ABCC9: variants seen among roughly 807,000 people sequenced by gnomAD.
ABCC9 encodes ATP binding cassette subfamily C member 9.
In ABCC9, 95 loss-of-function variants were observed where a neutral mutation model predicts 188.3. That is an observed-to-expected ratio of 0.50 (90% CI 0.43 to 0.60). The LOEUF (loss-of-function observed/expected upper bound fraction) is 0.60. Among genes scored for constraint, ABCC9 ranks in the 20% least tolerant of loss-of-function variants. The pLI is 0.00. For missense variants in ABCC9, 1,102 were observed against 1,876.3 expected (o/e 0.59, Z 7.62); for synonymous variants, 659 against 652.7 (o/e 1.01, Z -0.15).
At chr12:21,827,816 T>G (rs1384328016) in intron 31 of ABCC9, among the ~76,000 whole-genome samples, 1 of 152,218 alleles carries the variant, frequency 6.6e-6, no homozygotes, top group Non-Finnish European at 1.5e-5. Flanking sequence ...GCTGTGCTGT[T>G]GAATAATTTC....
At chr12:21,935,567 A>G (rs2138071394) in intron 3 of ABCC9, among the ~76,000 whole-genome samples, 1 of 152,290 alleles carries the variant, frequency 6.6e-6, no homozygotes. Flanking sequence ...AAGAAAATGC[A>G]TCTGAAAACT....
chr12:21,811,238 G>A (rs749226767), intron 36 of ABCC9, among the ~76,000 whole-genome samples: 8 of 152,110 alleles, frequency 5.3e-5, no homozygotes, highest in Admixed American at 1.3e-4. Context: ...TTTGCCTTCC[G>A]CCATGATTGT....
intron 4 of ABCC9, among the ~76,000 whole-genome samples, chr12:21,928,009 C>T (rs1347860039): frequency 6.6e-6 from 1 of 151,906 alleles, no homozygotes; most frequent in African/African-American, 2.4e-5. Context: ...CACTCGAGGC[C>T]GGGAGTTTGA....
intron 18 of ABCC9, among the ~76,000 whole-genome samples, chr12:21,865,327 C>T (rs1945726290): frequency 6.6e-6 from 1 of 152,102 alleles, no homozygotes; most frequent in Non-Finnish European, 1.5e-5. Flanking sequence ...GGATCATTTT[C>T]ACTACTGCAC....
Position 21,845,348 on chromosome 12 carries a change from ACT to A in ABCC9, c.3096+253_3096+254del, listed in dbSNP as rs146086828. Among the ~76,000 whole-genome samples the A allele has an allele frequency of 0.045, 6,811 of 152,070 alleles. 218 individuals carry two copies. Among genetic ancestry groups the A allele is most frequent in the Middle Eastern group, 0.075 (22 of 294 alleles). Reference sequence around the variant, plus strand: ...AACATATATAAAAATATATGTATAAACTCTCTTGAATACAAGTCTAAACATTA... The same window carrying A: ...AACATATATAAAAATATATGTATAAACTCTTGAATACAAGTCTAAACATTA... On this transcript the variant is annotated intron_variant, in intron 26 of 39. Transcript: ENST00000261200.
intron 12 of ABCC9, among the ~76,000 whole-genome samples, chr12:21,896,438 C>T (rs1180866964): frequency 1.3e-5 from 2 of 152,040 alleles, no homozygotes; most frequent in African/African-American, 2.4e-5. Flanking sequence ...ACCATTGTCA[C>T]CCTATTATAT....
intron 14 of ABCC9, 69 bp downstream of exon 14, chr12:21,893,963 A>G: frequency 1.3e-6 from 2 of 1,500,408 alleles, no homozygotes; most frequent in South Asian, 1.2e-5. Context: ...TATTTTTTCA[A>G]ATACTCCTAT....
intron 15 of ABCC9, among the ~76,000 whole-genome samples, chr12:21,885,806 C>A (rs947670601): frequency 6.6e-6 from 1 of 152,112 alleles, no homozygotes; most frequent in African/African-American, 2.4e-5. Context: ...AAAACAAACA[C>A]CTCCAGAACA....
chr12:21,908,755 A>C (rs1372227740), intron 10 of ABCC9, among the ~76,000 whole-genome samples: 2 of 151,972 alleles, frequency 1.3e-5, no homozygotes, highest in Admixed American at 1.3e-4. Context: ...ACTTACTGAC[A>C]AGAAGGCTGA....
chr12:21,836,068 C>T (rs1022838485), intron 30 of ABCC9, among the ~76,000 whole-genome samples: 8 of 152,152 alleles, frequency 5.3e-5, no homozygotes, highest in African/African-American at 1.9e-4. Flanking sequence ...CCTAAATATT[C>T]CTTAAATCTG....
At chr12:21,937,365 A>C (rs750465684) in intron 2 of ABCC9, among the ~76,000 whole-genome samples, 13 of 152,204 alleles carry the variant, frequency 8.5e-5, no homozygotes, top group Non-Finnish European at 1.8e-4. Flanking sequence ...TTTGAAACGC[A>C]GGATGTCTTT....
chr12:21,811,886 T>C (rs571070832), intron 36 of ABCC9, among the ~76,000 whole-genome samples, 163 bp downstream of exon 36: 1 of 152,320 alleles, frequency 6.6e-6, no homozygotes, highest in Admixed American at 6.5e-5. Context: ...TAGGTTAATT[T>C]ACAACTCTAG....
At chr12:21,862,906 A>G in intron 20 of ABCC9, 47 bp downstream of exon 20, 1 of 1,224,538 alleles carries the variant, frequency 8.2e-7, no homozygotes, top group Non-Finnish European at 1.2e-6. Context: ...CACACGAGTC[A>G]GAAAGAGTTG....
At chr12:21,914,665 TAGTTATACATGATC>T (rs1171598052) in intron 7 of ABCC9, among the ~76,000 whole-genome samples, 1 of 152,180 alleles carries the variant, frequency 6.6e-6, no homozygotes, top group African/African-American at 2.4e-5. Context: ...GGTAATGGAT[TAGTTATACATGATC>T]ATTGAACTTA....
chr12:21,814,628 T>G lies in ABCC9; in HGVS notation c.4102+16A>C. On this transcript the variant is annotated intron_variant, in intron 35 of 39. Coordinates refer to ENST00000261200, the MANE Select transcript of ABCC9 (RefSeq NM_020297.4). ...AGCACCAAGTGGCCACTTAAAAAATTTAGTTAGCAACTCACCATCAAATAT... is the reference window on the plus strand; with the variant it reads ...AGCACCAAGTGGCCACTTAAAAAATGTAGTTAGCAACTCACCATCAAATAT... The G allele has an allele frequency of 6.2e-7, 1 of 1,612,334 alleles. No individual in the cohort carries two copies. Among genetic ancestry groups the G allele is most frequent in the Non-Finnish European group, 8.5e-7 (1 of 1,178,620 alleles).
chr12:21,800,817 T>G lies in ABCC9; in HGVS notation c.*227A>C, dbSNP rs1381816968. The G allele has an allele frequency of 3.7e-6, 2 of 540,642 alleles. No individual in the cohort carries two copies. The highest frequency in any genetic ancestry group is 5.2e-4 in the Middle Eastern group (1 of 1,930). The allele number at this position is 540,642 out of a possible 1,614,324, so 33.5% of individuals were successfully genotyped here. On this transcript the variant is annotated 3_prime_UTR_variant, in exon 40 of 40. Coordinates refer to ENST00000261200, the MANE Select transcript of ABCC9 (RefSeq NM_020297.4). ...TACATGTTTTAATACAACCTAGCTA[T>G]TCTTAAAGCTAGAGTGGCTGGATCA...
intron 24 of ABCC9, among the ~76,000 whole-genome samples, chr12:21,848,479 A>T (rs1287147431): frequency 6.6e-6 from 1 of 152,190 alleles, no homozygotes; most frequent in African/African-American, 2.4e-5. Context: ...GACCAGGAAA[A>T]GCAAGAATGA....
At chr12:21,874,197 G>A (rs111480868) in intron 17 of ABCC9, among the ~76,000 whole-genome samples, 3,867 of 152,100 alleles carry the variant, frequency 0.025, 73 homozygotes, top group Non-Finnish European at 0.039. Flanking sequence ...CAAAGAACCC[G>A]AATAGAGATA....
intron 10 of ABCC9, among the ~76,000 whole-genome samples, chr12:21,908,503 A>G (rs1352522119): frequency 6.6e-6 from 1 of 151,956 alleles, no homozygotes; most frequent in Non-Finnish European, 1.5e-5. Flanking sequence ...GAATTTGCAA[A>G]GTGGTCCCAT....
Sources: allele counts gnomAD v4.1 joint callset (sites outside exome capture counted in the v4.1 genomes callset), GRCh38; gene constraint gnomAD v4.1.1; transcripts MANE v1.5; gene names NCBI Gene and HGNC (gene_info 2026-07-23, HGNC 2026-07-21).